Variants in INPP4B observed in about 807,000 individuals in gnomAD.
INPP4B encodes inositol polyphosphate 4-phosphatase type II.
A neutral mutation model predicts 122.5 loss-of-function variants in INPP4B; 55 were observed. The ratio of observed to expected loss-of-function variants is 0.45; its 90% CI spans 0.36 to 0.56. The LOEUF is 0.56. Ranked by LOEUF, INPP4B falls within the 20% of genes least tolerant of loss-of-function variation. The pLI, the probability that INPP4B is intolerant of heterozygous loss-of-function variation, is 0.00. For missense variants in INPP4B, 1,000 were observed against 1,097.7 expected, an observed-to-expected ratio of 0.91 and a Z score of 1.26; for synonymous variants, 403 against 388.7, an observed-to-expected ratio of 1.04 and a Z score of -0.43.
chr4:142,047,204 T>C (rs905589959), intron 25 of INPP4B, among the ~76,000 whole-genome samples: 2 of 152,086 alleles, frequency 1.3e-5, no homozygotes, highest in Admixed American at 6.6e-5. Flanking sequence ...TGCTCAGAGT[T>C]AACTTTTTTG....
intron 15 of INPP4B, among the ~76,000 whole-genome samples, chr4:142,187,890 C>T (rs1411224376): frequency 6.6e-6 from 1 of 152,030 alleles, no homozygotes; most frequent in Non-Finnish European, 1.5e-5. Flanking sequence ...GCCATCATGC[C>T]TGGCCTATAT....
chr4:142,620,091 G>T (rs549316607), intron 2 of INPP4B, among the ~76,000 whole-genome samples: 3 of 152,048 alleles, frequency 2.0e-5, no homozygotes, highest in African/African-American at 7.2e-5. Context: ...GGAAAGCATC[G>T]TGGAGATTTC....
At chr4:142,260,287 C>G (rs574979411) in intron 11 of INPP4B, among the ~76,000 whole-genome samples, 1 of 152,102 alleles carries the variant, frequency 6.6e-6, no homozygotes, top group East Asian at 1.9e-4. Flanking sequence ...CCTGGCTGAC[C>G]ATATTTGTTT....
At chr4:142,629,144 G>A (rs562734542) in intron 2 of INPP4B, among the ~76,000 whole-genome samples, 1 of 152,086 alleles carries the variant, frequency 6.6e-6, no homozygotes, top group South Asian at 2.1e-4. Context: ...TCTTCTCTCA[G>A]CCCAAGTCTG....
At chr4:142,108,719 C>T (rs891346672) in intron 22 of INPP4B, among the ~76,000 whole-genome samples, 19 of 152,186 alleles carry the variant, frequency 1.2e-4, no homozygotes, top group Admixed American at 2.6e-4. Flanking sequence ...ACATTTTTTT[C>T]GTTCATACCA....
intron 7 of INPP4B, among the ~76,000 whole-genome samples, chr4:142,354,598 TA>T (rs1337647042): frequency 1.3e-5 from 2 of 151,962 alleles, no homozygotes; most frequent in African/African-American, 4.8e-5. Context: ...GAGCTGGTGT[TA>T]TGGGAGGTAG....
intron 25 of INPP4B, among the ~76,000 whole-genome samples, chr4:142,037,271 A>T (rs1744564969): frequency 6.6e-6 from 1 of 152,166 alleles, no homozygotes; most frequent in Admixed American, 6.6e-5. Context: ...ACATGAGGAG[A>T]TATATCCGTA....
chr4:142,398,500 T>C (rs1190272316), intron 7 of INPP4B, among the ~76,000 whole-genome samples: 1 of 144,292 alleles, frequency 6.9e-6, no homozygotes, highest in Non-Finnish European at 1.5e-5. Flanking sequence ...TCAATTTATT[T>C]TTCCTTACCC....
At chr4:142,467,229 A>G (rs1433032246) in intron 2 of INPP4B, among the ~76,000 whole-genome samples, 2 of 152,218 alleles carry the variant, frequency 1.3e-5, no homozygotes, top group African/African-American at 4.8e-5. Flanking sequence ...TTGCAGCTTA[A>G]GCGTGAAAAA....
At chr4:142,155,445 C>T (rs1816690350) in intron 17 of INPP4B, among the ~76,000 whole-genome samples, 1 of 152,104 alleles carries the variant, frequency 6.6e-6, no homozygotes. Context: ...CCTGGCTAAA[C>T]ATGTTTTGTT....
intron 1 of INPP4B, chr4:142,795,278 G>A (rs1193540708): frequency 1.3e-5 from 2 of 151,846 alleles, no homozygotes; most frequent in Non-Finnish European, 2.9e-5. Context: ...AAAAAGCAAG[G>A]AAACTGTAGC....
Position 142,775,495 on chromosome 4 carries a change from C to T in INPP4B, c.-253-49594G>A, listed in dbSNP as rs534687545. Reference sequence around the variant, plus strand: ...CCCTCTGCATATTTTGTTCCCTTCCCTTCCCTTCCCCTCCCCTCCCCTCCC... The same window carrying T: ...CCCTCTGCATATTTTGTTCCCTTCCTTTCCCTTCCCCTCCCCTCCCCTCCC... On this transcript the variant is annotated intron_variant, in intron 1 of 25. Transcript: ENST00000262992. 7.5e-4 allele frequency among the ~76,000 whole-genome samples: 111 copies of T among 148,426 alleles called. No homozygotes were observed. In the South Asian group the frequency reaches 0.011, roughly 15 times the overall value.
intron 21 of INPP4B, among the ~76,000 whole-genome samples, chr4:142,115,924 A>C (rs9991021): frequency 6.6e-6 from 1 of 151,922 alleles, no homozygotes; most frequent in Non-Finnish European, 1.5e-5. Context: ...CCCATCTCAC[A>C]TGCAGAGACA....
chr4:142,826,200 G>A (rs1437912789), intron 1 of INPP4B, among the ~76,000 whole-genome samples: 2 of 152,022 alleles, frequency 1.3e-5, no homozygotes, highest in African/African-American at 2.4e-5. Flanking sequence ...TGAACATGAT[G>A]TATCTTTTCC....
intron 12 of INPP4B, among the ~76,000 whole-genome samples, chr4:142,211,433 A>G (rs1213282657): frequency 1.3e-5 from 2 of 152,132 alleles, no homozygotes; most frequent in Admixed American, 6.5e-5. Flanking sequence ...AAAACCTCCT[A>G]GATTAAAACC....
At chr4:142,630,843 G>A (rs1433048370) in intron 2 of INPP4B, among the ~76,000 whole-genome samples, 1 of 152,024 alleles carries the variant, frequency 6.6e-6, no homozygotes, top group Non-Finnish European at 1.5e-5. Flanking sequence ...GACATGAAAA[G>A]GCTTAATCTT....
intron 7 of INPP4B, among the ~76,000 whole-genome samples, chr4:142,331,176 T>C (rs1252044531): frequency 6.6e-6 from 1 of 152,176 alleles, no homozygotes; most frequent in East Asian, 1.9e-4. Flanking sequence ...AATTGGCTTT[T>C]AAAGGACAAG....
At chr4:142,057,360 C>T (rs1302078403) in intron 25 of INPP4B, among the ~76,000 whole-genome samples, 4 of 152,022 alleles carry the variant, frequency 2.6e-5, no homozygotes. Flanking sequence ...TGCCTCTTAA[C>T]ATAATTTTTG....
At chr4:142,430,148 C>A (rs1808980162) in intron 4 of INPP4B, among the ~76,000 whole-genome samples, 4 of 151,980 alleles carry the variant, frequency 2.6e-5, no homozygotes, top group Admixed American at 2.6e-4. Context: ...TTAAGAATCA[C>A]CTTTTTGTAT....
Sources: allele counts gnomAD v4.1 joint callset (sites outside exome capture counted in the v4.1 genomes callset), GRCh38; gene constraint gnomAD v4.1.1; transcripts MANE v1.5; gene names NCBI Gene and HGNC (gene_info 2026-07-23, HGNC 2026-07-21).